The following PCGF5 variants were observed in gnomAD, a reference collection of about 807,000 sequenced individuals.
PCGF5 encodes the protein polycomb group RING finger protein 5.
A neutral mutation model predicts 44.3 loss-of-function variants in PCGF5; 9 were observed. The ratio of observed to expected loss-of-function variants is 0.20; its 90% CI spans 0.12 to 0.35. PCGF5 has a LOEUF of 0.35. Ranked by LOEUF, PCGF5 falls within the 10% of genes least tolerant of loss-of-function variation. The probability of loss-of-function intolerance (pLI) is 1.00; values close to 1 mark genes in which losing one functional copy is unlikely to be tolerated. For missense variants in PCGF5, 146 were observed against 305.3 expected, an observed-to-expected ratio of 0.48 and a Z score of 3.89; for synonymous variants, 95 against 102.5, an observed-to-expected ratio of 0.93 and a Z score of 0.44.
In PCGF5 at chr10:91,251,456, C is replaced by G; in HGVS notation, c.474+16C>G. 6.2e-7 allele frequency: 1 copy of G among 1,605,698 alleles called. No homozygotes were observed. Among genetic ancestry groups the G allele is most frequent in the Non-Finnish European group, 8.5e-7 (1 of 1,174,902 alleles). ...TGTAGTAAAGGTGAGTGAACAAGTACTATGGTATTTTTATGATCAGTTTAT... is the reference window on the plus strand; with the variant it reads ...TGTAGTAAAGGTGAGTGAACAAGTAGTATGGTATTTTTATGATCAGTTTAT... On this transcript the variant is annotated intron_variant, in intron 6 of 9. Transcript: ENST00000336126.
intron 1 of PCGF5, among the ~76,000 whole-genome samples, chr10:91,169,550 A>C (rs1216009317): frequency 6.6e-6 from 1 of 152,246 alleles, no homozygotes; most frequent in East Asian, 1.9e-4. Flanking sequence ...CAGACAAAAC[A>C]AAATACTTAG....
At chr10:91,235,217 A>G (rs548591836) in intron 2 of PCGF5, among the ~76,000 whole-genome samples, 1 of 152,262 alleles carries the variant, frequency 6.6e-6, no homozygotes, top group African/African-American at 2.4e-5. Context: ...TTGGTCTGGG[A>G]TGGAGCCTGT....
At chr10:91,163,792 G>C (rs1030153833) in intron 1 of PCGF5, among the ~76,000 whole-genome samples, 78 of 150,826 alleles carry the variant, frequency 5.2e-4, no homozygotes, top group African/African-American at 1.8e-3. Context: ...CCACCTGTAC[G>C]CCCTCCGCGC....
intron 2 of PCGF5, among the ~76,000 whole-genome samples, chr10:91,223,200 A>G (rs1300432114): frequency 2.0e-5 from 3 of 152,220 alleles, no homozygotes; most frequent in Non-Finnish European, 4.4e-5. Context: ...CTCTTATCAC[A>G]TTGTAAAATA....
chr10:91,254,246 C>T (rs1324405152), intron 6 of PCGF5, among the ~76,000 whole-genome samples: 4 of 150,188 alleles, frequency 2.7e-5, no homozygotes, highest in African/African-American at 9.9e-5. Flanking sequence ...AACCATATAT[C>T]TGACAAAAGA....
At chr10:91,162,052 A>T (rs1276930863), upstream of PCGF5, among the ~76,000 whole-genome samples, 1 of 152,026 alleles carries the variant, frequency 6.6e-6, no homozygotes, top group Non-Finnish European at 1.5e-5. Context: ...AAAGTTTGAC[A>T]GGTGGAGGCG....
chr10:91,281,571 G>A lies in PCGF5; in HGVS notation c.*3255G>A, dbSNP rs567870204. ...CTCTTGTAAGTTAATTTTTTTGGAA[G>A]ATTTTCATAAGAATATAGATATCAC... On this transcript the variant is annotated 3_prime_UTR_variant, in exon 10 of 10. Coordinates refer to ENST00000336126, the MANE Select transcript of PCGF5 (RefSeq NM_032373.5). 6.6e-6 allele frequency: 1 copy of A among 152,618 alleles called. No individual in the cohort carries two copies. Among genetic ancestry groups the A allele is most frequent in the African/African-American group, 2.4e-5 (1 of 41,556 alleles). 9.5% of individuals were successfully genotyped at this position (152,618 alleles called of 1,614,324 possible). A position where few individuals can be genotyped will look rare whatever the true frequency, so the allele number is the denominator to read the frequency against.
intron 1 of PCGF5, among the ~76,000 whole-genome samples, chr10:91,221,460 T>C (rs1036931329): frequency 1.3e-5 from 2 of 152,150 alleles, no homozygotes; most frequent in Non-Finnish European, 2.9e-5. Flanking sequence ...AGAACCCTGA[T>C]TCCCTGTCTT....
chr10:91,260,989 TA>T (rs1845894895), intron 6 of PCGF5, among the ~76,000 whole-genome samples: 1 of 151,624 alleles, frequency 6.6e-6, no homozygotes, highest in Admixed American at 6.6e-5. Flanking sequence ...GCTTAAATAA[TA>T]AAAAATATAT....
At chr10:91,258,833 T>A (rs757540384) in intron 6 of PCGF5, among the ~76,000 whole-genome samples, 9 of 152,334 alleles carry the variant, frequency 5.9e-5, no homozygotes, top group Admixed American at 1.3e-4. Context: ...TGTTATTTGT[T>A]AATTTATTTC....
intron 2 of PCGF5, chr10:91,227,348 T>C: frequency 8.9e-7 from 1 of 1,124,098 alleles, no homozygotes. Context: ...TGCAGAATCC[T>C]ACTGGATGTC....
Position 91,283,976 on chromosome 10 carries a change from T to C in PCGF5, c.*5660T>C, listed in dbSNP as rs1846514135. 6.5e-6 allele frequency: 1 copy of C among 152,678 alleles called. No individual in the cohort carries two copies. The highest frequency in any genetic ancestry group is 1.5e-5 in the Non-Finnish European group (1 of 68,042). The allele number at this position is 152,678 out of a possible 1,614,324, so 9.5% of individuals were successfully genotyped here. A position where few individuals can be genotyped will look rare whatever the true frequency, so the allele number is the denominator to read the frequency against. On this transcript the variant is annotated 3_prime_UTR_variant, in exon 10 of 10. Coordinates refer to ENST00000336126, the MANE Select transcript of PCGF5 (RefSeq NM_032373.5). Reference sequence around the variant, plus strand: ...TACCAGGTCATTGTTAATGACTTAGTCTATTAAGAATATATGTATTTTTGT... The same window carrying C: ...TACCAGGTCATTGTTAATGACTTAGCCTATTAAGAATATATGTATTTTTGT...
At chr10:91,257,213 T>C (rs1481775054) in intron 6 of PCGF5, among the ~76,000 whole-genome samples, 3 of 152,088 alleles carry the variant, frequency 2.0e-5, no homozygotes, top group Admixed American at 2.0e-4. Context: ...AGTTGCTAAA[T>C]ATCACTAGTC....
At chr10:91,172,188 G>A (rs1450970099) in intron 1 of PCGF5, among the ~76,000 whole-genome samples, 3 of 152,002 alleles carry the variant, frequency 2.0e-5, no homozygotes, top group Non-Finnish European at 4.4e-5. Context: ...ACTTTGGGAG[G>A]AGGAGGTGGG....
chr10:91,198,139 G>A (rs1844177579), intron 1 of PCGF5, among the ~76,000 whole-genome samples: 1 of 152,198 alleles, frequency 6.6e-6, no homozygotes, highest in Non-Finnish European at 1.5e-5. Context: ...GAAGAGAAGT[G>A]TCAGATCACG....
intron 6 of PCGF5, 51 bp from the exon 7 acceptor site, chr10:91,261,275 G>T: frequency 7.1e-7 from 1 of 1,408,910 alleles, no homozygotes; most frequent in South Asian, 1.8e-5. Context: ...AAGCAAGATA[G>T]AACATTTTAA....
At chr10:91,168,457 G>A (rs1298869496) in intron 1 of PCGF5, among the ~76,000 whole-genome samples, 4 of 152,210 alleles carry the variant, frequency 2.6e-5, no homozygotes, top group Non-Finnish European at 5.9e-5. Context: ...TTGAGGAACA[G>A]AGTCAGTTGG....
upstream of PCGF5, among the ~76,000 whole-genome samples, chr10:91,158,557 T>G (rs950709107): frequency 6.6e-5 from 10 of 152,164 alleles, no homozygotes; most frequent in Non-Finnish European, 1.5e-4. Flanking sequence ...GCAAGTAAGT[T>G]GTGGTTCATT....
intron 1 of PCGF5, among the ~76,000 whole-genome samples, chr10:91,169,211 G>A (rs1443391930): frequency 1.3e-5 from 2 of 152,162 alleles, no homozygotes; most frequent in African/African-American, 4.8e-5. Flanking sequence ...AATCTTAAAA[G>A]AGAGCCTATT....
Sources: allele counts gnomAD v4.1 joint callset (sites outside exome capture counted in the v4.1 genomes callset), GRCh38; gene constraint gnomAD v4.1.1; transcripts MANE v1.5; gene names NCBI Gene and HGNC (gene_info 2026-07-23, HGNC 2026-07-21).